The following ZNF143 variants were observed in gnomAD, a reference collection of about 807,000 sequenced individuals.
The protein encoded by ZNF143 is zinc finger protein 143.
ZNF143 carries 49 observed loss-of-function variants against 74.1 expected under a neutral mutation model. That is an observed-to-expected ratio of 0.66 (90% CI 0.53 to 0.84). The LOEUF (loss-of-function observed/expected upper bound fraction) is 0.84. Ranked by LOEUF, ZNF143 falls within the 40% of genes least tolerant of loss-of-function variation. The probability of loss-of-function intolerance (pLI) is 0.00; values close to 1 mark genes in which losing one functional copy is unlikely to be tolerated. For synonymous variants in ZNF143, 304 were observed against 282.8 expected (o/e 1.07, Z -0.75); for missense variants, 637 against 793.4 (o/e 0.80, Z 2.37).
At chr11:9,475,910 A>G (rs12808990) in intron 5 of ZNF143, among the ~76,000 whole-genome samples, 2,305 of 137,332 alleles carry the variant, frequency 0.017, 40 homozygotes, top group African/African-American at 0.04. Flanking sequence ...AAAAATATAT[A>G]TGTGTGTGTG....
intron 1 of ZNF143, among the ~76,000 whole-genome samples, chr11:9,464,583 A>G (rs1020787528): frequency 6.6e-6 from 1 of 151,996 alleles, no homozygotes; most frequent in African/African-American, 2.4e-5. Context: ...CCTGGGGGAC[A>G]GAACAAGACC....
At chr11:9,490,676 A>G (rs1003171709) in intron 7 of ZNF143, among the ~76,000 whole-genome samples, 4 of 152,126 alleles carry the variant, frequency 2.6e-5, no homozygotes, top group African/African-American at 9.7e-5. Flanking sequence ...AAGTTATTAA[A>G]ATAATAGTTG....
At chr11:9,522,021 G>A (rs1281574623) in intron 14 of ZNF143, among the ~76,000 whole-genome samples, 2 of 141,312 alleles carry the variant, frequency 1.4e-5, no homozygotes, top group African/African-American at 5.3e-5. Flanking sequence ...AACTGAGGTA[G>A]CACAGCTACA....
chr11:9,462,557 C>CG (rs1257905049), intron 1 of ZNF143, among the ~76,000 whole-genome samples: 4 of 124,960 alleles, frequency 3.2e-5, no homozygotes, highest in African/African-American at 1.0e-4. Flanking sequence ...AGACCGGTCT[C>CG]GAAAAAAAAA....
intron 1 of ZNF143, among the ~76,000 whole-genome samples, 197 bp downstream of exon 1, chr11:9,461,273 C>T (rs559563619): frequency 4.4e-4 from 67 of 152,278 alleles, no homozygotes; most frequent in Middle Eastern, 3.4e-3. Flanking sequence ...TAACCCGCGG[C>T]CGCCACTCTA....
chr11:9,485,275 A>G (rs1208929488), intron 7 of ZNF143, among the ~76,000 whole-genome samples: 2 of 151,078 alleles, frequency 1.3e-5, no homozygotes, highest in Admixed American at 1.3e-4. Context: ...GTAAAAATAA[A>G]AAGTGAGGGA....
chr11:9,486,448 T>TA lies in ZNF143; in HGVS notation c.645+6903dup, dbSNP rs1441947422. On this transcript the variant is annotated intron_variant, in intron 7 of 15. Coordinates refer to ENST00000396602, the MANE Select transcript of ZNF143 (RefSeq NM_003442.6). ...TATATATTATATATATAATATATTATATATATTATATATATATAAAAGCCC... is the reference window on the plus strand; with the variant it reads ...TATATATTATATATATAATATATTATAATATATTATATATATATAAAAGCCC... 6.2e-4 allele frequency among the ~76,000 whole-genome samples: 34 copies of TA among 55,148 alleles called. 1 individual carries two copies. The highest frequency in any genetic ancestry group is 5.0e-3 in the South Asian group (9 of 1,792). 36.2% of individuals were successfully genotyped at this position (55,148 alleles called of 152,430 possible).
At chr11:9,492,019 A>G (rs1397917012) in intron 7 of ZNF143, among the ~76,000 whole-genome samples, 1 of 151,800 alleles carries the variant, frequency 6.6e-6, no homozygotes. Context: ...ATCTTGGCTC[A>G]CTGCAACCTC....
At chr11:9,503,787 G>A (rs533676813) in intron 11 of ZNF143, among the ~76,000 whole-genome samples, 3 of 151,928 alleles carry the variant, frequency 2.0e-5, no homozygotes, top group Non-Finnish European at 4.4e-5. Context: ...GAGTAGCTGG[G>A]ACTACAGGTG....
chr11:9,472,305 G>T (rs546619665), intron 2 of ZNF143, among the ~76,000 whole-genome samples: 2 of 151,844 alleles, frequency 1.3e-5, no homozygotes, highest in African/African-American at 4.8e-5. Flanking sequence ...CAGGCTGGAG[G>T]GCAGTGGCAC....
At chr11:9,491,556 A>G (rs1413794524) in intron 7 of ZNF143, among the ~76,000 whole-genome samples, 2 of 151,876 alleles carry the variant, frequency 1.3e-5, no homozygotes, top group South Asian at 2.1e-4. Context: ...GGAGAATGGC[A>G]TGAACTTGGG....
chr11:9,516,346 G>A lies in ZNF143; in HGVS notation c.1670G>A (p.Gly557Asp). The A allele has an allele frequency of 6.2e-7, 1 of 1,612,606 alleles. No individual in the cohort carries two copies. Among genetic ancestry groups the A allele is most frequent in the South Asian group, 1.1e-5 (1 of 90,916 alleles). ...THSVAMVTAE[G>D]TEGEQVAIVA... ...TCTGTTGCTATGGTTACTGCTGAGGGTACAGAAGGGGAACAGGTAATTACT... is the reference window on the plus strand; with the variant it reads ...TCTGTTGCTATGGTTACTGCTGAGGATACAGAAGGGGAACAGGTAATTACT... Residue 557 changes from glycine (G) to aspartate (D), a missense_variant, in exon 14 of 16, where the codon GGT (glycine) becomes GAT (aspartate). Physicochemically the swap from Gly to Asp is moderately conservative, Grantham distance 94. This residue lies in a region of ZNF143 where 344 missense variants were observed against 485.6 expected (regional missense o/e 0.71). Transcript: ENST00000396602.
Position 9,501,259 on chromosome 11 carries a change from G to GGA in ZNF143, c.1137_1138dup (p.Ile380ArgfsTer98). The stretch of plus-strand genomic sequence containing the variant: ...GCAACAAATTATAAAAACCATGTGA[G>GGA]GATACACACAGGTAACAATCTCTGA... On this transcript the variant is annotated frameshift_variant, in exon 11 of 16. Transcript: ENST00000396602. LOFTEE classifies it high-confidence loss of function. 1 of 1,613,860 alleles carries GGA rather than the reference G, an allele frequency of 6.2e-7. No homozygotes were observed. The highest frequency in any genetic ancestry group is 8.5e-7 in the Non-Finnish European group (1 of 1,179,926).
intron 7 of ZNF143, among the ~76,000 whole-genome samples, chr11:9,481,175 C>A (rs1168954183): frequency 6.6e-6 from 1 of 152,012 alleles, no homozygotes; most frequent in African/African-American, 2.4e-5. Flanking sequence ...ATTGCTTGAA[C>A]CCAGAAGTTT....
intron 7 of ZNF143, among the ~76,000 whole-genome samples, chr11:9,484,506 T>G (rs904702939): frequency 6.8e-6 from 1 of 148,096 alleles, no homozygotes; most frequent in Non-Finnish European, 1.5e-5. Flanking sequence ...TGAGTCACCG[T>G]GCCCAGCCTG....
chr11:9,478,657 C>T, intron 6 of ZNF143, 71 bp downstream of exon 6: 1 of 1,524,182 alleles, frequency 6.6e-7, no homozygotes, highest in Non-Finnish European at 8.9e-7. Flanking sequence ...GAAAAGAAAA[C>T]AAAAAAGTAC....
At chr11:9,464,073 C>T (rs1374130670) in intron 1 of ZNF143, among the ~76,000 whole-genome samples, 3 of 132,946 alleles carry the variant, frequency 2.3e-5, no homozygotes, top group South Asian at 2.6e-4. Flanking sequence ...TTAGGGATGT[C>T]GTGTGTGTGT....
At chr11:9,512,980 T>TGC (rs1320782153) in intron 13 of ZNF143, among the ~76,000 whole-genome samples, 1 of 152,196 alleles carries the variant, frequency 6.6e-6, no homozygotes, top group Non-Finnish European at 1.5e-5. Context: ...CAGCATATGA[T>TGC]GGCACCATTA....
chr11:9,517,428 T>C (rs917849480), intron 14 of ZNF143, among the ~76,000 whole-genome samples: 1 of 152,208 alleles, frequency 6.6e-6, no homozygotes, highest in Non-Finnish European at 1.5e-5. Context: ...TGAGTAGATA[T>C]GCTAGATAAA....
Sources: gnomAD v4.1 joint callset for allele counts (sites outside exome capture counted in the v4.1 genomes callset) on GRCh38, gnomAD v4.1.1 for gene constraint, gnomAD v4.1.1 regional missense constraint, MANE v1.5 for transcripts, NCBI Gene and HGNC (gene_info 2026-07-23, HGNC 2026-07-21) for gene names.